The following STOX2 variants were observed in gnomAD, a reference collection of about 807,000 sequenced individuals.
STOX2 encodes storkhead-box protein 2.
STOX2 carries 28 observed loss-of-function variants against 60.9 expected under a neutral mutation model. The ratio of observed to expected loss-of-function variants is 0.46; its 90% CI spans 0.34 to 0.63. The LOEUF is 0.63. STOX2 is among the 30% of genes least tolerant of loss of function. STOX2 has a pLI of 0.01. For synonymous variants in STOX2, 472 were observed against 463.9 expected, an observed-to-expected ratio of 1.02 and a Z score of -0.22; for missense variants, 1,024 against 1,187.7, an observed-to-expected ratio of 0.86 and a Z score of 2.03.
At chr4:183,949,877 T>G (rs1743016753) in intron 1 of STOX2, among the ~76,000 whole-genome samples, 1 of 152,232 alleles carries the variant, frequency 6.6e-6, no homozygotes, top group African/African-American at 2.4e-5. Context: ...CTTTGATGTG[T>G]GGATGCTCCA....
intron 1 of STOX2, among the ~76,000 whole-genome samples, chr4:183,812,469 A>T (rs1028116246): frequency 8.5e-5 from 13 of 152,196 alleles, no homozygotes; most frequent in Non-Finnish European, 1.6e-4. Context: ...ATCAGTATTA[A>T]ATTTTTAAAT....
chr4:183,850,421 G>T (rs1740089023), intron 1 of STOX2, among the ~76,000 whole-genome samples: 1 of 151,958 alleles, frequency 6.6e-6, no homozygotes, highest in African/African-American at 2.4e-5. Flanking sequence ...ATACTTATGA[G>T]ATTTCTTTTT....
At chr4:183,960,028 T>G (rs1208674019) in intron 1 of STOX2, among the ~76,000 whole-genome samples, 1 of 152,214 alleles carries the variant, frequency 6.6e-6, no homozygotes, top group Non-Finnish European at 1.5e-5. Flanking sequence ...AAAACATAGT[T>G]CTAAATTTTT....
intron 1 of STOX2, among the ~76,000 whole-genome samples, chr4:183,941,059 T>C (rs1742741283): frequency 6.6e-6 from 1 of 152,216 alleles, no homozygotes; most frequent in Non-Finnish European, 1.5e-5. Flanking sequence ...TTCTTTTATG[T>C]GCACCAAAGA....
rs1560952198 is a variant in STOX2, at chr4:184,020,681, A to AG, written c.*3397_*3398insG. On this transcript the variant is annotated 3_prime_UTR_variant, in exon 4 of 4. Transcript: ENST00000308497. ...TCAGGGGACCATAATGAACATATGA[A>AG]AGGGGGGGGGGTGCCATCAAATAGA... 2.0e-4 allele frequency: 22 copies of AG among 109,222 alleles called. No individual in the cohort carries two copies. The highest frequency in any genetic ancestry group is 7.1e-4 in the African/African-American group (21 of 29,484). 6.8% of individuals were successfully genotyped at this position (109,222 alleles called of 1,614,324 possible).
chr4:183,934,955 G>T (rs1055666650), intron 1 of STOX2, among the ~76,000 whole-genome samples: 7 of 152,228 alleles, frequency 4.6e-5, no homozygotes, highest in Non-Finnish European at 7.3e-5. Context: ...GGTGCCTCAG[G>T]CACAGTCATC....
chr4:183,909,702 TCTA>T (rs1741724257), intron 1 of STOX2, among the ~76,000 whole-genome samples: 3 of 152,216 alleles, frequency 2.0e-5, no homozygotes, highest in African/African-American at 7.2e-5. Flanking sequence ...TTCCTTTTGG[TCTA>T]GCATCCCGTA....
At chr4:183,943,856 G>A (rs1742815311) in intron 1 of STOX2, among the ~76,000 whole-genome samples, 1 of 152,124 alleles carries the variant, frequency 6.6e-6, no homozygotes, top group Non-Finnish European at 1.5e-5. Flanking sequence ...CAGCCTGGAC[G>A]ACAGAGCAAG....
In STOX2 at chr4:183,951,114, G is replaced by A. The variant is rs556762024; in HGVS notation, c.166+44158G>A. 6.6e-5 allele frequency among the ~76,000 whole-genome samples: 10 copies of A among 151,200 alleles called. No homozygotes were observed. The East Asian group carries it at 2.0e-3, about 30-fold the overall frequency. On this transcript the variant is annotated intron_variant, in intron 1 of 3. Coordinates refer to ENST00000308497, the MANE Select transcript of STOX2 (RefSeq NM_020225.3). ...GCCTGTAGTCCCAGCTACTCGGGAG[G>A]CTGAGGCAGGAGAATGGGTGAACCC...
chr4:183,819,977 A>G (rs1335008026), intron 1 of STOX2, among the ~76,000 whole-genome samples: 2 of 152,254 alleles, frequency 1.3e-5, no homozygotes, highest in Admixed American at 6.5e-5. Flanking sequence ...GCATTATGGT[A>G]TAAGTATCAG....
chr4:183,915,883 C>T (rs1389793643), intron 1 of STOX2, among the ~76,000 whole-genome samples: 1 of 152,246 alleles, frequency 6.6e-6, no homozygotes, highest in Non-Finnish European at 1.5e-5. Flanking sequence ...GCACATATTT[C>T]TGTTGCTTTA....
rs1363567960 is a variant in STOX2, at chr4:183,906,804, G to A, written c.14G>A (p.Arg5Gln). 3 of 1,548,986 alleles carry A rather than the reference G, an allele frequency of 1.9e-6. No homozygotes were observed. The highest frequency in any genetic ancestry group is 3.9e-5 in the Admixed American group (2 of 51,848). The change falls in exon 1 of 4, where the codon CGG becomes CAG. Residue 5 changes from arginine (R) to glutamine (Q), a missense_variant. Arg to Gln is a conservative substitution (Grantham distance 43). Transcript: ENST00000308497. MKKT[R>Q]STTLRRAWPS... is the part of the protein sequence containing the mutation. ...GCCCTCCCCACCATGAAGAAGACCC[G>A]GAGCACAACCTTGCGGCGAGCCTGG...
In STOX2 at chr4:184,017,151, C is replaced by A; in HGVS notation, c.2648C>A (p.Pro883His). The change falls in exon 4 of 4, where the codon CCC (proline) becomes CAC (histidine). Residue 883 changes from proline to histidine, a missense_variant. By Grantham distance (77) the Pro-to-His change is moderately conservative. Coordinates refer to ENST00000308497, the MANE Select transcript of STOX2 (RefSeq NM_020225.3). Reference protein sequence around the residue: ...SIVESNRRQNPALSPAHGGAG... With the variant: ...SIVESNRRQNHALSPAHGGAG... ...GTTGAAAGTAACCGTCGTCAGAACC[C>A]CGCTTTGAGCCCGGCCCATGGTGGA... is the stretch of plus-strand genomic sequence containing the variant. 1 of 1,613,850 alleles carries A rather than the reference C, an allele frequency of 6.2e-7. No homozygotes were observed. The highest frequency in any genetic ancestry group is 8.5e-7 in the Non-Finnish European group (1 of 1,179,846).
intron 1 of STOX2, among the ~76,000 whole-genome samples, chr4:183,994,325 G>A (rs1326985528): frequency 6.6e-6 from 1 of 152,128 alleles, no homozygotes; most frequent in Non-Finnish European, 1.5e-5. Context: ...TAATTTTGGC[G>A]GTGCAGAGAA....
At chr4:183,921,638 TA>T (rs1460955754) in intron 1 of STOX2, among the ~76,000 whole-genome samples, 1 of 152,210 alleles carries the variant, frequency 6.6e-6, no homozygotes, top group African/African-American at 2.4e-5. Context: ...AGCACCTACA[TA>T]ATCCTTGGAA....
chr4:183,829,932 A>C (rs1739527590), intron 1 of STOX2, among the ~76,000 whole-genome samples: 1 of 152,214 alleles, frequency 6.6e-6, no homozygotes, highest in African/African-American at 2.4e-5. Context: ...TGTTTCAGAG[A>C]CATTTCCTCA....
At chr4:183,974,184 A>G (rs1732352797) in intron 1 of STOX2, among the ~76,000 whole-genome samples, 1 of 152,194 alleles carries the variant, frequency 6.6e-6, no homozygotes, top group Non-Finnish European at 1.5e-5. Flanking sequence ...TTAAGTATAT[A>G]TATTTGAAAT....
At chr4:183,956,095 T>G (rs1262172302) in intron 1 of STOX2, among the ~76,000 whole-genome samples, 1 of 152,170 alleles carries the variant, frequency 6.6e-6, no homozygotes, top group African/African-American at 2.4e-5. Context: ...GCCGTCTGCC[T>G]AGGTTGAGAG....
chr4:183,946,980 G>C (rs1289460261), intron 1 of STOX2, among the ~76,000 whole-genome samples: 1 of 152,144 alleles, frequency 6.6e-6, no homozygotes, highest in African/African-American at 2.4e-5. Context: ...GTAATCTAAA[G>C]ATGATTTAAA....
Sources: allele counts gnomAD v4.1 joint callset (sites outside exome capture counted in the v4.1 genomes callset), GRCh38; gene constraint gnomAD v4.1.1; transcripts MANE v1.5; gene names NCBI Gene and HGNC (gene_info 2026-07-23, HGNC 2026-07-21).